ZNF438: variants seen among roughly 807,000 people sequenced by gnomAD.
ZNF438 encodes the protein zinc finger protein 438.
Under a neutral mutation model 38.0 loss-of-function variants are expected in ZNF438, and 25 were observed. The observed-to-expected ratio is 0.66, with a 90% CI of 0.48 to 0.92. The LOEUF is 0.92. ZNF438 is among the 40% of genes least tolerant of loss of function. The probability of loss-of-function intolerance (pLI) is 0.00; values close to 1 mark genes in which losing one functional copy is unlikely to be tolerated. For missense variants in ZNF438, 1,007 were observed against 999.6 expected (o/e 1.01, Z -0.10); for synonymous variants, 372 against 364.1 (o/e 1.02, Z -0.25).
chr10:30,957,372 G>A lies in ZNF438; in HGVS notation c.-191-15721C>T, dbSNP rs73252667. The stretch of plus-strand genomic sequence containing the variant: ...TCTTCACTCTGTTGTTTCCTTTGCT[G>A]TATAGAGCTTTAAGTTTGATGTAAT... On this transcript the variant is annotated intron_variant, in intron 1 of 5. Transcript: ENST00000413025. 2.4e-3 allele frequency among the ~76,000 whole-genome samples: 364 copies of A among 152,220 alleles called. 5 individuals carry two copies. Among genetic ancestry groups the A allele is most frequent in the African/African-American group, 8.2e-3 (341 of 41,536 alleles).
intron 2 of ZNF438, chr10:30,923,224 C>T (rs2044525856): frequency 6.6e-6 from 1 of 152,160 alleles, no homozygotes; most frequent in Admixed American, 6.5e-5. Flanking sequence ...ATATTGTAAA[C>T]ACTGACATTT....
chr10:30,875,240 G>C (rs976921966), intron 4 of ZNF438: 1 of 985,162 alleles, frequency 1.0e-6, no homozygotes, highest in Non-Finnish European at 1.2e-6. Context: ...ACTGTGATGA[G>C]AAGCAAAGCA....
intron 2 of ZNF438, among the ~76,000 whole-genome samples, chr10:30,917,363 T>G (rs1257172678): frequency 1.3e-5 from 2 of 152,120 alleles, no homozygotes; most frequent in African/African-American, 2.4e-5. Context: ...TCATTTCTCT[T>G]AGGCAAATAT....
At position 30,845,296 on chromosome 10, in the gene ZNF438, C is replaced by T. The variant is rs767079162; in HGVS notation, c.2152G>A (p.Glu718Lys). Residue 718 changes from glutamate (E) to lysine (K), a missense_variant, in exon 6 of 6, where the codon GAG becomes AAG. Physicochemically the swap from Glu to Lys is moderately conservative, Grantham distance 56. Coordinates refer to ENST00000413025, the Ensembl canonical transcript of ZNF438. ...AGTCTTGGACATGCATGTGATTCCT[C>T]GGAGGAGGAATGAACCTTCTCCGGC... The T allele has an allele frequency of 4.1e-5, 66 of 1,613,982 alleles. 1 individual carries two copies. The South Asian group carries it at 4.8e-4, about 12-fold the overall frequency.
intron 2 of ZNF438, among the ~76,000 whole-genome samples, chr10:30,915,646 A>T (rs1161008040): frequency 6.6e-6 from 1 of 152,130 alleles, no homozygotes; most frequent in Non-Finnish European, 1.5e-5. Context: ...AGATGAAAAA[A>T]TCTATAAATA....
At chr10:31,017,430 T>A (rs1334860903) in intron 1 of ZNF438, among the ~76,000 whole-genome samples, 2 of 152,238 alleles carry the variant, frequency 1.3e-5, no homozygotes, top group Non-Finnish European at 2.9e-5. Flanking sequence ...TTGCTTTAGG[T>A]GTCAAACAAT....
intron 2 of ZNF438, among the ~76,000 whole-genome samples, chr10:30,935,544 A>G (rs916857657): frequency 6.6e-6 from 1 of 152,226 alleles, no homozygotes; most frequent in African/African-American, 2.4e-5. Context: ...ATCTGCGCCC[A>G]TGACTCAAAC....
chr10:30,854,137 G>A (rs946982672), intron 4 of ZNF438, among the ~76,000 whole-genome samples: 2 of 152,142 alleles, frequency 1.3e-5, no homozygotes, highest in African/African-American at 4.8e-5. Context: ...GGCTAACATG[G>A]TGAAACCCCG....
chr10:30,940,057 A>T (rs995049745), intron 2 of ZNF438, among the ~76,000 whole-genome samples: 1 of 152,232 alleles, frequency 6.6e-6, no homozygotes, highest in African/African-American at 2.4e-5. Flanking sequence ...TTTTCCTAGG[A>T]GAAGATGGCA....
At chr10:30,966,209 A>T (rs940454441) in intron 1 of ZNF438, among the ~76,000 whole-genome samples, 6 of 152,124 alleles carry the variant, frequency 3.9e-5, no homozygotes, top group Non-Finnish European at 7.4e-5. Context: ...ATTTGCCTGT[A>T]ATCTCAGGTA....
intron 1 of ZNF438, among the ~76,000 whole-genome samples, chr10:31,016,631 G>A (rs1450257259): frequency 6.6e-6 from 1 of 152,180 alleles, no homozygotes; most frequent in Non-Finnish European, 1.5e-5. Context: ...GTGCATGATT[G>A]AAGCTAACTC....
intron 4 of ZNF438, among the ~76,000 whole-genome samples, chr10:30,866,846 C>A (rs1171812596): frequency 2.7e-5 from 4 of 145,764 alleles, no homozygotes; most frequent in African/African-American, 5.0e-5. Flanking sequence ...AAAAAAAAAA[C>A]CAAAAACGAA....
rs564825607 is a variant in ZNF438 at position 30,954,505 on chromosome 10, G to A, written c.-191-12854C>T. Among the ~76,000 whole-genome samples, 18 of 152,246 alleles carry A rather than the reference G, an allele frequency of 1.2e-4. No individual in the cohort carries two copies. In the East Asian group the frequency reaches 2.1e-3, roughly 18 times the overall value. On this transcript the variant is annotated intron_variant, in intron 1 of 5. Coordinates refer to ENST00000413025, the Ensembl canonical transcript of ZNF438. ...TTGTTGAGACTGAAAGACTAAAATC[G>A]TATCTAGTTCAGTTCTAAGAATCTT...
At chr10:30,991,962 C>A (rs529246373) in intron 1 of ZNF438, among the ~76,000 whole-genome samples, 4 of 152,320 alleles carry the variant, frequency 2.6e-5, no homozygotes, top group African/African-American at 9.6e-5. Flanking sequence ...TCCTAGGAAG[C>A]CAGGCTTTAA....
chr10:30,978,312 G>A (rs1282624633), intron 1 of ZNF438, among the ~76,000 whole-genome samples: 6 of 151,974 alleles, frequency 3.9e-5, no homozygotes, highest in East Asian at 1.9e-4. Context: ...TATGTATATT[G>A]TATACACTGA....
At chr10:30,914,298 G>A (rs1279378694) in intron 2 of ZNF438, among the ~76,000 whole-genome samples, 6 of 152,052 alleles carry the variant, frequency 3.9e-5, no homozygotes, top group African/African-American at 1.2e-4. Context: ...GTGGTTGCCA[G>A]GGGTTAGGGA....
At chr10:30,899,280 G>A (rs2041717366) in intron 3 of ZNF438, among the ~76,000 whole-genome samples, 1 of 152,182 alleles carries the variant, frequency 6.6e-6, no homozygotes, top group South Asian at 2.1e-4. Context: ...GAAAGAAGAT[G>A]CTAAATAAAG....
intron 3 of ZNF438, among the ~76,000 whole-genome samples, chr10:30,877,655 GTGT>G (rs2038633670): frequency 6.6e-6 from 1 of 152,122 alleles, no homozygotes; most frequent in African/African-American, 2.4e-5. Flanking sequence ...AATTTACAGT[GTGT>G]TTGGTGATGG....
chr10:30,955,322 T>C (rs12413706), intron 1 of ZNF438, among the ~76,000 whole-genome samples: 6,565 of 152,306 alleles, frequency 0.043, 413 homozygotes, highest in East Asian at 0.31. Flanking sequence ...ACAAATGTTT[T>C]GATACTTCTT....
Sources: gnomAD v4.1 joint callset for allele counts (sites outside exome capture counted in the v4.1 genomes callset) on GRCh38, gnomAD v4.1.1 for gene constraint, MANE v1.5 for transcripts, NCBI Gene and HGNC (gene_info 2026-07-23, HGNC 2026-07-21) for gene names.